The following LRP1B variants were observed in gnomAD, a reference collection of about 807,000 sequenced individuals.
LRP1B encodes LDL receptor related protein 1B.
A neutral mutation model predicts 556.6 loss-of-function variants in LRP1B; 217 were observed. The ratio of observed to expected loss-of-function variants is 0.39; its 90% CI spans 0.35 to 0.44. The LOEUF (loss-of-function observed/expected upper bound fraction) is 0.44. Ranked by LOEUF, LRP1B falls within the 20% of genes least tolerant of loss-of-function variation. The pLI, the probability that LRP1B is intolerant of heterozygous loss-of-function variation, is 1.00. For synonymous variants in LRP1B, 2,047 were observed against 1,865.8 expected (o/e 1.10, Z -2.50); for missense variants, 5,053 against 5,620.8 (o/e 0.90, Z 3.23).
intron 31 of LRP1B, among the ~76,000 whole-genome samples, chr2:140,831,444 T>C (rs1462718561): frequency 6.6e-6 from 1 of 152,120 alleles, no homozygotes; most frequent in Admixed American, 6.5e-5. Context: ...CTTCAATAAA[T>C]AGTGCTGGGA....
intron 27 of LRP1B, among the ~76,000 whole-genome samples, chr2:140,858,481 A>T (rs984723912): frequency 2.1e-4 from 29 of 139,896 alleles, no homozygotes; most frequent in African/African-American, 7.5e-4. Flanking sequence ...TTTTATATAT[A>T]ATATATATTT....
intron 84 of LRP1B, among the ~76,000 whole-genome samples, chr2:140,288,422 A>G (rs1245224285): frequency 6.6e-6 from 1 of 151,788 alleles, no homozygotes; most frequent in Admixed American, 6.6e-5. Flanking sequence ...ATTTTTTCAA[A>G]GCATGTTTAG....
chr2:141,984,099 G>C (rs1466093861), intron 1 of LRP1B, among the ~76,000 whole-genome samples: 1 of 152,124 alleles, frequency 6.6e-6, no homozygotes, highest in South Asian at 2.1e-4. Flanking sequence ...ATTTAGTCCA[G>C]CCTGCTGGAG....
intron 3 of LRP1B, among the ~76,000 whole-genome samples, chr2:141,434,980 T>G (rs1680704849): frequency 6.6e-6 from 1 of 151,916 alleles, no homozygotes; most frequent in Non-Finnish European, 1.5e-5. Context: ...TGTCATTGTA[T>G]ACGTAGTAGC....
chr2:140,832,055 C>G (rs1430997932), intron 31 of LRP1B, among the ~76,000 whole-genome samples: 1 of 152,074 alleles, frequency 6.6e-6, no homozygotes, highest in African/African-American at 2.4e-5. Flanking sequence ...TGGGAACACT[C>G]CTATGTTGTT....
chr2:141,223,785 T>C (rs887148460), intron 6 of LRP1B, among the ~76,000 whole-genome samples: 1 of 152,012 alleles, frequency 6.6e-6, no homozygotes, highest in Admixed American at 6.6e-5. Context: ...AATGGGGAAA[T>C]GATTCCCTAT....
At chr2:142,034,991 A>G (rs973524303) in intron 1 of LRP1B, among the ~76,000 whole-genome samples, 1 of 151,842 alleles carries the variant, frequency 6.6e-6, no homozygotes, top group Non-Finnish European at 1.5e-5. Context: ...ATAATCATGT[A>G]TGAATAAAGA....
At chr2:141,152,064 G>T (rs548273940) in intron 7 of LRP1B, among the ~76,000 whole-genome samples, 1 of 152,086 alleles carries the variant, frequency 6.6e-6, no homozygotes, top group East Asian at 1.9e-4. Flanking sequence ...CAGTAAGAAA[G>T]GATCTAACTG....
At chr2:140,917,056 T>G (rs2105248178) in intron 21 of LRP1B, among the ~76,000 whole-genome samples, 1 of 152,272 alleles carries the variant, frequency 6.6e-6, no homozygotes, top group South Asian at 2.1e-4. Context: ...CTTTAACTAT[T>G]AAAAGCAATT....
At chr2:140,566,353 G>A (rs1360383289) in intron 43 of LRP1B, among the ~76,000 whole-genome samples, 1 of 152,100 alleles carries the variant, frequency 6.6e-6, no homozygotes, top group Non-Finnish European at 1.5e-5. Flanking sequence ...GTATACCCAA[G>A]AGTCACTGCT....
chr2:141,204,795 G>A (rs1168189276), intron 6 of LRP1B, among the ~76,000 whole-genome samples: 3 of 152,038 alleles, frequency 2.0e-5, no homozygotes, highest in Admixed American at 6.6e-5. Context: ...AAATTAGCCA[G>A]GTGCGGTGGC....
intron 2 of LRP1B, among the ~76,000 whole-genome samples, chr2:141,802,189 G>T (rs1009662078): frequency 3.9e-5 from 6 of 152,120 alleles, no homozygotes; most frequent in African/African-American, 1.4e-4. Flanking sequence ...CTTCTTTGCT[G>T]CTGGGTACCG....
At chr2:141,163,904 C>T (rs1447542092) in intron 7 of LRP1B, among the ~76,000 whole-genome samples, 1 of 151,956 alleles carries the variant, frequency 6.6e-6, no homozygotes, top group Admixed American at 6.6e-5. Context: ...TACCTCGGAC[C>T]TATTTAATGT....
intron 3 of LRP1B, among the ~76,000 whole-genome samples, chr2:141,457,090 A>G (rs1014955227): frequency 2.6e-5 from 4 of 152,206 alleles, no homozygotes; most frequent in Admixed American, 1.3e-4. Context: ...AAGTTTTATT[A>G]TAGGCAGAAC....
At chr2:140,764,965 A>C (rs1689051373) in intron 35 of LRP1B, among the ~76,000 whole-genome samples, 1 of 152,176 alleles carries the variant, frequency 6.6e-6, no homozygotes, top group Admixed American at 6.6e-5. Context: ...CCAGACAATG[A>C]CATCCAAATA....
chr2:141,055,311 A>T (rs1240158908), intron 9 of LRP1B, 52 bp from the exon 10 acceptor site: 2 of 1,570,470 alleles, frequency 1.3e-6, no homozygotes, highest in East Asian at 4.6e-5. Flanking sequence ...AAGATAAGAT[A>T]ACTATGTGCA....
chr2:141,819,121 C>T (rs1032263046), intron 1 of LRP1B, among the ~76,000 whole-genome samples: 3 of 151,548 alleles, frequency 2.0e-5, no homozygotes, highest in Non-Finnish European at 4.4e-5. Flanking sequence ...CACCTGTATC[C>T]CAGCTACTCA....
intron 7 of LRP1B, among the ~76,000 whole-genome samples, chr2:141,188,090 T>C (rs1681338755): frequency 6.6e-6 from 1 of 152,040 alleles, no homozygotes; most frequent in Non-Finnish European, 1.5e-5. Context: ...AAGTCCACTG[T>C]TAAGCATTAA....
intron 1 of LRP1B, among the ~76,000 whole-genome samples, chr2:142,083,756 T>C (rs1400443601): frequency 6.6e-6 from 1 of 152,242 alleles, no homozygotes; most frequent in African/African-American, 2.4e-5. Context: ...TTTGCTAGAC[T>C]GTACATTAAA....
Sources: gnomAD v4.1 joint callset for allele counts (sites outside exome capture counted in the v4.1 genomes callset) on GRCh38, gnomAD v4.1.1 for gene constraint, MANE v1.5 for transcripts, NCBI Gene and HGNC (gene_info 2026-07-23, HGNC 2026-07-21) for gene names.